TAFA2: variants seen among roughly 807,000 people sequenced by gnomAD.
TAFA2 encodes the protein TAFA chemokine like family member 2, also known as chemokine-like protein TAFA-2.
In TAFA2, 7 loss-of-function variants were observed where a neutral mutation model predicts 18.8. The observed-to-expected ratio is 0.37, with a 90% CI of 0.21 to 0.70. The LOEUF is 0.70. TAFA2 is among the 30% of genes least tolerant of loss of function. TAFA2 has a pLI of 0.53. For missense variants in TAFA2, 122 were observed against 158.1 expected (o/e 0.77, Z 1.23); for synonymous variants, 60 against 54.2 (o/e 1.11, Z -0.47).
chr12:62,097,637 TAAG>T (rs1315904312), intron 1 of TAFA2, among the ~76,000 whole-genome samples: 2 of 152,152 alleles, frequency 1.3e-5, no homozygotes, highest in Non-Finnish European at 2.9e-5. Context: ...AGGACAGAAC[TAAG>T]AAGAAGGCAA....
chr12:62,126,103 T>A (rs914312307), intron 1 of TAFA2, among the ~76,000 whole-genome samples: 3 of 152,142 alleles, frequency 2.0e-5, no homozygotes, highest in Non-Finnish European at 4.4e-5. Context: ...TAAAATAATT[T>A]GAAATATAGC....
At chr12:62,102,289 C>A (rs1869243901) in intron 1 of TAFA2, among the ~76,000 whole-genome samples, 1 of 152,116 alleles carries the variant, frequency 6.6e-6, no homozygotes, top group Non-Finnish European at 1.5e-5. Context: ...AAATATTTTT[C>A]TGGGTCCATT....
chr12:62,221,442 C>T (rs1280098144), intron 1 of TAFA2, among the ~76,000 whole-genome samples: 1 of 151,978 alleles, frequency 6.6e-6, no homozygotes, highest in Non-Finnish European at 1.5e-5. Flanking sequence ...TATTACTGGG[C>T]TATGATAACT....
chr12:61,930,591 C>T (rs960386030), intron 1 of TAFA2, among the ~76,000 whole-genome samples: 8 of 152,252 alleles, frequency 5.3e-5, no homozygotes, highest in African/African-American at 1.9e-4. Flanking sequence ...TTCAAAGCTG[C>T]TGACCCTAAT....
At chr12:61,810,013 G>A (rs1474954627) in intron 2 of TAFA2, among the ~76,000 whole-genome samples, 1 of 151,326 alleles carries the variant, frequency 6.6e-6, no homozygotes, top group Non-Finnish European at 1.5e-5. Context: ...AATCATAGGA[G>A]TTGTTAAAGT....
At chr12:62,224,091 A>G (rs927721145) in intron 1 of TAFA2, among the ~76,000 whole-genome samples, 1 of 147,470 alleles carries the variant, frequency 6.8e-6, no homozygotes, top group Non-Finnish European at 1.5e-5. Context: ...ATACACACAC[A>G]CACACACACA....
rs200508415 is a variant in TAFA2, at chr12:62,215,579, A to G, written c.-130+43184T>C. ...CTTGTCTTTCAAAAAAAAAAAAAAAAGGGGCGGAAGAACTTGTTTCTCTTG... is the reference window on the plus strand; with the variant it reads ...CTTGTCTTTCAAAAAAAAAAAAAAAGGGGGCGGAAGAACTTGTTTCTCTTG... On this transcript the variant is annotated intron_variant, in intron 1 of 5. Coordinates refer to the TAFA2 transcript ENST00000551619. Among the ~76,000 whole-genome samples, 696 of 122,980 alleles carry G rather than the reference A, an allele frequency of 5.7e-3. 5 individuals carry two copies. Among genetic ancestry groups the G allele is most frequent in the African/African-American group, 0.014 (448 of 32,376 alleles). The allele number at this position is 122,980 out of a possible 152,430, so 80.7% of individuals were successfully genotyped here.
At chr12:61,997,546 T>C (rs1257071827) in intron 1 of TAFA2, among the ~76,000 whole-genome samples, 1 of 152,036 alleles carries the variant, frequency 6.6e-6, no homozygotes, top group African/African-American at 2.4e-5. Context: ...AAGGAAGTAT[T>C]TGGGGAGTTA....
intron 1 of TAFA2, among the ~76,000 whole-genome samples, chr12:61,983,383 G>GTTTGTTTTGC (rs1879704983): frequency 6.8e-6 from 1 of 146,642 alleles, no homozygotes; most frequent in African/African-American, 2.5e-5. Flanking sequence ...CTGGGATTCT[G>GTTTGTTTTGC]TTTGTTTTGT....
rs548705380 is a variant in TAFA2, at chr12:62,187,489, A to ATATG, written c.-2+3766_-2+3769dup. Among the ~76,000 whole-genome samples, 595 of 152,176 alleles carry ATATG rather than the reference A, an allele frequency of 3.9e-3. 1 individual carries two copies. The highest frequency in any genetic ancestry group is 0.016 in the South Asian group (77 of 4,826). On this transcript the variant is annotated intron_variant, in intron 1 of 4. Coordinates refer to ENST00000416284, the MANE Select transcript of TAFA2 (RefSeq NM_178539.5). ...ATTTTACATGGGTGTCATTTAAAGC[A>ATATG]TATGTATGTATGTATGTATGTATGC...
chr12:62,178,875 A>C (rs749305444), intron 1 of TAFA2, among the ~76,000 whole-genome samples: 1 of 152,220 alleles, frequency 6.6e-6, no homozygotes, highest in Non-Finnish European at 1.5e-5. Flanking sequence ...TTGGAACAGA[A>C]GAGTAGTTAG....
At chr12:62,150,337 T>C (rs980729647) in intron 1 of TAFA2, among the ~76,000 whole-genome samples, 1 of 152,176 alleles carries the variant, frequency 6.6e-6, no homozygotes, top group Non-Finnish European at 1.5e-5. Flanking sequence ...ACAGATATGG[T>C]ATTAGATACA....
intron 2 of TAFA2, among the ~76,000 whole-genome samples, chr12:61,771,909 CAAA>C (rs58401862): frequency 1.4e-5 from 2 of 145,054 alleles, no homozygotes; most frequent in African/African-American, 5.0e-5. Context: ...GAAATTGAAA[CAAA>C]AAAAAAAACA....
At position 61,738,290 on chromosome 12, in the gene TAFA2, A is replaced by AACACACACACACAC. The variant is rs369001355; in HGVS notation, c.384+15318_384+15331dup. On this transcript the variant is annotated intron_variant, in intron 4 of 4. Transcript: ENST00000416284. Reference sequence around the variant, plus strand: ...TACAAAAACTTAAAATGAAAATGAAAACACACACACACACACACACACACA... The same window carrying AACACACACACACAC: ...TACAAAAACTTAAAATGAAAATGAAAACACACACACACACACACACACACACACACACACACACA... 2.4e-3 allele frequency among the ~76,000 whole-genome samples: 297 copies of AACACACACACACAC among 124,610 alleles called. 3 individuals carry two copies. The Middle Eastern group carries it at 0.026, about 11-fold the overall frequency. 81.7% of individuals were successfully genotyped at this position (124,610 alleles called of 152,430 possible).
intron 1 of TAFA2, chr12:62,235,309 C>T: frequency 1.5e-6 from 1 of 667,284 alleles, no homozygotes. Context: ...AACAAGGGGG[C>T]CCTCGGCATC....
intron 2 of TAFA2, among the ~76,000 whole-genome samples, chr12:61,770,310 A>G (rs12370254): frequency 0.28 from 42,918 of 152,058 alleles, 6,763 homozygotes; most frequent in South Asian, 0.37. Context: ...TGGAAAACAT[A>G]TTTGAGAAAA....
intron 1 of TAFA2, among the ~76,000 whole-genome samples, chr12:62,088,742 G>A (rs951984321): frequency 1.3e-5 from 2 of 151,654 alleles, no homozygotes; most frequent in Non-Finnish European, 2.9e-5. Context: ...CTAAAACCAA[G>A]AAACATATTT....
rs553247636 is a variant in TAFA2 at position 61,896,020 on chromosome 12, A to G, written c.-1-28594T>C. Among the ~76,000 whole-genome samples, 3 of 152,156 alleles carry G rather than the reference A, an allele frequency of 2.0e-5. No homozygotes were observed. The South Asian group carries it at 6.2e-4, about 32-fold the overall frequency. On this transcript the variant is annotated intron_variant, in intron 1 of 4. Transcript: ENST00000416284. The stretch of plus-strand genomic sequence containing the variant: ...CATCAAGCAATTAGTGAGAGAGAAG[A>G]CAGAGGAGAATGAGAGAGAGAAATG...
chr12:62,000,106 T>C (rs1042101172), intron 1 of TAFA2, among the ~76,000 whole-genome samples: 3 of 152,348 alleles, frequency 2.0e-5, no homozygotes, highest in South Asian at 2.1e-4. Context: ...CCATTACTTA[T>C]ACTTTTTTAA....
Sources: allele counts gnomAD v4.1 joint callset (sites outside exome capture counted in the v4.1 genomes callset), GRCh38; gene constraint gnomAD v4.1.1; transcripts MANE v1.5; gene names NCBI Gene and HGNC (gene_info 2026-07-23, HGNC 2026-07-21).